Variants in UTP14A observed in about 807,000 individuals in gnomAD.
The protein encoded by UTP14A is UTP14A small subunit processome component, also known as U3 small nucleolar RNA-associated protein 14 homolog A.
In UTP14A, 5 loss-of-function variants were observed where a neutral mutation model predicts 57.2. The observed-to-expected ratio is 0.09, with a 90% CI of 0.05 to 0.18. The LOEUF (loss-of-function observed/expected upper bound fraction) is 0.18, where lower values mean the gene tolerates loss of function less well. UTP14A is among the 10% of genes least tolerant of loss of function. The probability of loss-of-function intolerance (pLI) is 1.00; values close to 1 mark genes in which losing one functional copy is unlikely to be tolerated. For missense variants in UTP14A, 430 were observed against 562.1 expected (o/e 0.76, Z 2.38); for synonymous variants, 169 against 210.9 (o/e 0.80, Z 1.72).
intron 6 of UTP14A, among the ~76,000 whole-genome samples, chrX:129,912,152 G>A (rs1483840000): frequency 9.5e-6 from 1 of 105,601 alleles, no homozygotes; most frequent in Non-Finnish European, 1.9e-5. Context: ...TTGCTCTGTC[G>A]CCCAGGCTGG....
intron 11 of UTP14A, among the ~76,000 whole-genome samples, chrX:129,924,011 G>A (rs750460616): frequency 9.4e-6 from 1 of 106,186 alleles, no homozygotes; most frequent in East Asian, 2.9e-4. Flanking sequence ...AGGCTAGTAT[G>A]CAGTGGCACA....
chrX:129,923,117 A>G (rs1188448176), intron 11 of UTP14A: 1 of 112,695 alleles, frequency 8.9e-6, no homozygotes, highest in Non-Finnish European at 1.9e-5. Flanking sequence ...AGTGAAAATG[A>G]GCAAGGAAAC....
chrX:129,923,558 A>G (rs995732833), intron 11 of UTP14A, among the ~76,000 whole-genome samples: 1 of 111,855 alleles, frequency 8.9e-6, no homozygotes, highest in Admixed American at 9.5e-5. Flanking sequence ...TACAGGTGTG[A>G]GCCACTGTGC....
At position 129,921,488 on chromosome X, in the gene UTP14A, G is replaced by A. The variant is rs199704867; in HGVS notation, c.1249G>A (p.Glu417Lys). 7.0e-4 allele frequency: 846 copies of A among 1,209,934 alleles called. 1 individual carries two copies. The highest frequency in any genetic ancestry group is 2.6e-3 in the Admixed American group (117 of 45,631). Residue 417 changes from glutamate (E) to lysine (K), a missense_variant, in exon 11 of 15, where the codon GAA becomes AAA. Physicochemically the swap from Glu to Lys is moderately conservative, Grantham distance 56. Coordinates refer to ENST00000394422, the MANE Select transcript of UTP14A (RefSeq NM_006649.4). ...SEGEERPVAE[E>K]EILLREFEER... ...GGGAGAAGAAAGACCAGTGGCAGAA[G>A]AAGAAATTTTGTTGAGAGAATTTGA... is the stretch of plus-strand genomic sequence containing the variant.
chrX:129,915,844 A>G (rs770642398), intron 6 of UTP14A, among the ~76,000 whole-genome samples: 2 of 108,912 alleles, frequency 1.8e-5, no homozygotes, highest in African/African-American at 6.7e-5. Context: ...CCATTGGCAC[A>G]TTTCATTCTA....
chrX:129,928,581 C>T (rs1395556967), intron 14 of UTP14A, among the ~76,000 whole-genome samples: 6 of 106,881 alleles, frequency 5.6e-5, no homozygotes, highest in Non-Finnish European at 1.2e-4. Flanking sequence ...GGTGAAACCC[C>T]GTCTCTACTA....
chrX:129,925,485 T>G (rs1930070232), intron 12 of UTP14A, among the ~76,000 whole-genome samples: 1 of 111,803 alleles, frequency 8.9e-6, no homozygotes, highest in South Asian at 3.7e-4. Flanking sequence ...GCAGGACAAC[T>G]TGAAGGTGAG....
In UTP14A at chrX:129,924,827, A is replaced by G. The variant is rs758350635; in HGVS notation, c.1381A>G (p.Arg461Gly). 2 of 1,203,595 alleles carry G rather than the reference A, an allele frequency of 1.7e-6. No homozygotes were observed. Among genetic ancestry groups the G allele is most frequent in the East Asian group, 3.0e-5 (1 of 33,801 alleles). Residue 461 changes from arginine to glycine, a missense_variant, in exon 12 of 15, where the codon AGA (arginine) becomes GGA (glycine). Arg to Gly is a moderately radical substitution (Grantham distance 125). Around this residue, in one of 4 missense-constraint regions of UTP14A, gnomAD observed 120 missense variants for 116.8 expected, o/e 1.03. Coordinates refer to ENST00000394422, the MANE Select transcript of UTP14A (RefSeq NM_006649.4). ...CAGCCAGGAGGTGCTGTCTGAATTG[A>G]GAGTACTATCTCAGAAATTGAAGGA... ...SGSQEVLSEL[R>G]VLSQKLKENH...
intron 6 of UTP14A, among the ~76,000 whole-genome samples, chrX:129,916,376 C>T (rs756387137): frequency 9.0e-6 from 1 of 111,146 alleles, no homozygotes; most frequent in Non-Finnish European, 1.9e-5. Flanking sequence ...CTTCGCATTT[C>T]CTTTCCCCAG....
chrX:129,929,397 C>G lies in UTP14A; in HGVS notation c.2105C>G (p.Pro702Arg). 1 of 1,211,730 alleles carries G rather than the reference C, an allele frequency of 8.3e-7. No individual in the cohort carries two copies. Among genetic ancestry groups the G allele is most frequent in the East Asian group, 3.0e-5 (1 of 33,852 alleles). ...CAATTTGAAAGGACCATCCAGACCC[C>G]CATAGGATCCACATGGAACACCCAG... is the stretch of plus-strand genomic sequence containing the variant. ...HWQFERTIQT[P>R]IGSTWNTQRA... Residue 702 changes from proline (P) to arginine (R), a missense_variant, in exon 15 of 15, where the codon CCC becomes CGC. Transcript: ENST00000394422.
chrX:129,913,210 T>C (rs1929546086), intron 6 of UTP14A: 3 of 267,765 alleles, frequency 1.1e-5, no homozygotes, highest in South Asian at 4.0e-5. Flanking sequence ...AAAGTAAACA[T>C]TGCTTGCCAC....
At chrX:129,907,815 G>A (rs1322134557) in intron 2 of UTP14A, among the ~76,000 whole-genome samples, 1 of 111,292 alleles carries the variant, frequency 9.0e-6, no homozygotes, top group African/African-American at 3.3e-5. Context: ...AATTAGCCAG[G>A]CGTGGTGGCA....
chrX:129,907,277 T>C, intron 1 of UTP14A, 90 bp from the exon 2 acceptor site: 5 of 717,619 alleles, frequency 7.0e-6, no homozygotes, highest in Non-Finnish European at 8.1e-6. Context: ...CTTTTTTTAA[T>C]TTCGACTTTT....
chrX:129,919,206 A>G lies in UTP14A; in HGVS notation c.569A>G (p.Asn190Ser), dbSNP rs377025264. The G allele has an allele frequency of 1.2e-5, 15 of 1,209,435 alleles. No individual in the cohort carries two copies. Among genetic ancestry groups the G allele is most frequent in the African/African-American group, 5.3e-5 (3 of 56,993 alleles). ...ARTPLEQEIFNLLHKNKQPVT... is the reference protein window; with the variant it reads ...ARTPLEQEIFSLLHKNKQPVT... Reference sequence around the variant, plus strand: ...ACTCCCCTGGAGCAGGAAATTTTCAACCTCCTCCATAAGAACAAGCAGCCA... The same window carrying G: ...ACTCCCCTGGAGCAGGAAATTTTCAGCCTCCTCCATAAGAACAAGCAGCCA... The change falls in exon 7 of 15, where the codon AAC (asparagine) becomes AGC (serine). Residue 190 changes from asparagine to serine, a missense_variant. By Grantham distance (46) the Asn-to-Ser change is conservative. Around this residue, in one of 4 missense-constraint regions of UTP14A, gnomAD observed 145 missense variants for 153.5 expected, o/e 0.94. Coordinates refer to ENST00000394422, the MANE Select transcript of UTP14A (RefSeq NM_006649.4).
At chrX:129,921,079 G>GTAAGAAA in intron 10 of UTP14A, 115 bp from the exon 11 acceptor site, 1 of 1,123,737 alleles carries the variant, frequency 8.9e-7, no homozygotes. Context: ...GTAGGTACCA[G>GTAAGAAA]TAAGAAATAC....
At chrX:129,927,347 TG>T (rs1930143047) in intron 14 of UTP14A, among the ~76,000 whole-genome samples, 1 of 111,858 alleles carries the variant, frequency 8.9e-6, no homozygotes, top group South Asian at 3.7e-4. Context: ...TCTCTTTTTC[TG>T]TTGCCCTGGT....
At chrX:129,909,504 C>T (rs899008519) in intron 4 of UTP14A, among the ~76,000 whole-genome samples, 14 of 111,420 alleles carry the variant, frequency 1.3e-4, no homozygotes, top group East Asian at 5.6e-4. Flanking sequence ...CCACCGTGCG[C>T]GGCCTCAAGA....
chrX:129,908,389 C>T (rs1929334819), intron 3 of UTP14A: 7 of 403,747 alleles, frequency 1.7e-5, no homozygotes, highest in Middle Eastern at 6.6e-4. Context: ...TTTACTTACC[C>T]CCAAGGTCAC....
intron 5 of UTP14A, among the ~76,000 whole-genome samples, chrX:129,911,381 G>T (rs187748709): frequency 9.1e-6 from 1 of 109,982 alleles, no homozygotes; most frequent in Admixed American, 9.7e-5. Context: ...TCAGGAGTTC[G>T]AGACCAGCCT....
Sources: gnomAD v4.1 joint callset for allele counts (sites outside exome capture counted in the v4.1 genomes callset) on GRCh38, gnomAD v4.1.1 for gene constraint, gnomAD v4.1.1 regional missense constraint, MANE v1.5 for transcripts, NCBI Gene and HGNC (gene_info 2026-07-23, HGNC 2026-07-21) for gene names.